Variants in RAB3GAP2 observed in about 807,000 individuals in gnomAD.
RAB3GAP2 encodes the protein RAB3 GTPase activating non-catalytic protein subunit 2.
A neutral mutation model predicts 185.3 loss-of-function variants in RAB3GAP2; 87 were observed. The observed-to-expected ratio is 0.47, with a 90% confidence interval of 0.39 to 0.56. The LOEUF (loss-of-function observed/expected upper bound fraction) is 0.56. Among genes scored for constraint, RAB3GAP2 ranks in the 20% least tolerant of loss-of-function variants. The pLI, the probability that RAB3GAP2 is intolerant of heterozygous loss-of-function variation, is 0.00. For synonymous variants in RAB3GAP2, 554 were observed against 576.1 expected (o/e 0.96, Z 0.55); for missense variants, 1,492 against 1,638.2 (o/e 0.91, Z 1.54).
In RAB3GAP2 at chr1:220,170,851, TA is replaced by T. The variant is rs112314838; in HGVS notation, c.2806+40del. ...TCTATTAAAAGAAACCCTCGTAACA[TA>T]AAAAAATGGATGCAAATGCTCAAAT... On this transcript the variant is annotated intron_variant, in intron 24 of 34. Transcript: ENST00000358951. 4.0e-6 allele frequency: 6 copies of T among 1,517,158 alleles called. No individual in the cohort carries two copies. In the African/African-American group the frequency reaches 4.1e-5, roughly 10 times the overall value. The allele number at this position is 1,517,158 out of a possible 1,614,324, so 94.0% of individuals were successfully genotyped here. A position where few individuals can be genotyped will look rare whatever the true frequency, so the allele number is the denominator to read the frequency against.
chr1:220,167,477 A>G (rs1359468351), intron 25 of RAB3GAP2, 25 bp downstream of exon 25: 8 of 1,613,716 alleles, frequency 5.0e-6, no homozygotes, highest in Non-Finnish European at 6.8e-6. Context: ...TTTGGATTTC[A>G]TATTTCTCAT....
chr1:220,190,445 C>G lies in RAB3GAP2; in HGVS notation c.1563G>C (p.Gln521His). ...TSQSWQPQTY[Q>H]ICLVDPVSGS... is the part of the protein sequence containing the mutation. Reference sequence around the variant, plus strand: ...CAGACACTGGATCAACCAGACAGATCTGATAAGTCTGTGGCTGCCAACTCT... The same window carrying G: ...CAGACACTGGATCAACCAGACAGATGTGATAAGTCTGTGGCTGCCAACTCT... Residue 521 changes from glutamine to histidine, a missense_variant, in exon 15 of 35, where the codon CAG becomes CAC. By Grantham distance (24) the Gln-to-His change is conservative. Transcript: ENST00000358951. The G allele has an allele frequency of 6.2e-7, 1 of 1,613,362 alleles. No homozygotes were observed.
At chr1:220,228,344 T>C (rs1659440348) in intron 2 of RAB3GAP2, among the ~76,000 whole-genome samples, 2 of 152,216 alleles carry the variant, frequency 1.3e-5, no homozygotes, top group Non-Finnish European at 2.9e-5. Flanking sequence ...GAGTTGTTCA[T>C]AATCATAGAT....
rs927917340 is a variant in RAB3GAP2 at position 220,149,274 on chromosome 1, C to CTT, written c.*1975_*1976dup. The CTT allele has an allele frequency of 1.8e-4, 27 of 152,082 alleles. No individual in the cohort carries two copies. Among genetic ancestry groups the CTT allele is most frequent in the Admixed American group, 1.6e-3 (25 of 15,276 alleles). 9.4% of individuals were successfully genotyped at this position (152,082 alleles called of 1,614,324 possible). A position where few individuals can be genotyped will look rare whatever the true frequency, so the allele number is the denominator to read the frequency against. ...TTAGGATAACAAATCTAACTAGAGA[C>CTT]TTAATGATTTGTGTTAGGATTCTGT... On this transcript the variant is annotated 3_prime_UTR_variant, in exon 35 of 35. Coordinates refer to ENST00000358951, the MANE Select transcript of RAB3GAP2 (RefSeq NM_012414.4).
In RAB3GAP2 at chr1:220,149,820, G is replaced by C. The variant is rs1657712312; in HGVS notation, c.*1431C>G. 1 of 152,140 alleles carries C rather than the reference G, an allele frequency of 6.6e-6. No individual in the cohort carries two copies. Among genetic ancestry groups the C allele is most frequent in the Non-Finnish European group, 1.5e-5 (1 of 68,014 alleles). The allele number at this position is 152,140 out of a possible 1,614,324, so 9.4% of individuals were successfully genotyped here. A position where few individuals can be genotyped will look rare whatever the true frequency, so the allele number is the denominator to read the frequency against. ...CTAAATTTTAGCCAGTTAAATTCTT[G>C]TTTGGATGTGCTCTTTTAGCTCAAA... On this transcript the variant is annotated 3_prime_UTR_variant, in exon 35 of 35. Coordinates refer to ENST00000358951, the MANE Select transcript of RAB3GAP2 (RefSeq NM_012414.4).
chr1:220,191,140 C>T lies in RAB3GAP2; in HGVS notation c.1415G>A (p.Arg472Lys), dbSNP rs1225518858. ...TGTGCTCCACACTTCTAAAATTCCC[C>T]TTCTTGGCGCATAGATCACAAGGAA... is the stretch of plus-strand genomic sequence containing the variant. ...AQFLVIYAPRRGILEVWSTQQ... is the reference protein window; with the variant it reads ...AQFLVIYAPRKGILEVWSTQQ... The change falls in exon 14 of 35, where the codon AGG (arginine) becomes AAG (lysine). Residue 472 changes from arginine (R) to lysine (K), a missense_variant. Physicochemically the swap from Arg to Lys is conservative, Grantham distance 26 (BLOSUM62 2). Transcript: ENST00000358951. 3.7e-6 allele frequency: 6 copies of T among 1,613,964 alleles called. No homozygotes were observed. The highest frequency in any genetic ancestry group is 2.5e-6 in the Non-Finnish European group (3 of 1,180,010).
intron 12 of RAB3GAP2, among the ~76,000 whole-genome samples, chr1:220,194,488 G>A (rs960874543): frequency 6.6e-6 from 1 of 152,120 alleles, no homozygotes; most frequent in African/African-American, 2.4e-5. Flanking sequence ...TGCCTCCCGG[G>A]TTTGAGCAAT....
rs747523270 is a variant in RAB3GAP2 at position 220,151,590 on chromosome 1, G to A, written c.4026+16C>T. Reference sequence around the variant, plus strand: ...ATCCAATGACCTTTTGCCTGATCTCGTTCTATTGTACTGACCATTGCTTTC... The same window carrying A: ...ATCCAATGACCTTTTGCCTGATCTCATTCTATTGTACTGACCATTGCTTTC... On this transcript the variant is annotated intron_variant, in intron 34 of 34. Transcript: ENST00000358951. The A allele has an allele frequency of 1.9e-5, 30 of 1,603,874 alleles. No individual in the cohort carries two copies. The highest frequency in any genetic ancestry group is 4.5e-5 in the East Asian group (2 of 44,828).
In RAB3GAP2 at chr1:220,191,287, T is replaced by C; in HGVS notation, c.1271-3A>G. On this transcript the variant is annotated splice_polypyrimidine_tract_variant and splice_region_variant and intron_variant, in intron 13 of 34. Coordinates refer to ENST00000358951, the MANE Select transcript of RAB3GAP2 (RefSeq NM_012414.4). Reference sequence around the variant, plus strand: ...TCCAATTTGTGCGTCGCGGTACCCTTAGAGACAGAGGTAAAGGGAAGTTAA... The same window carrying C: ...TCCAATTTGTGCGTCGCGGTACCCTCAGAGACAGAGGTAAAGGGAAGTTAA... The C allele has an allele frequency of 6.6e-7, 1 of 1,520,838 alleles. No individual in the cohort carries two copies. The allele number at this position is 1,520,838 out of a possible 1,614,324, so 94.2% of individuals were successfully genotyped here. A position where few individuals can be genotyped will look rare whatever the true frequency, so the allele number is the denominator to read the frequency against.
At chr1:220,247,147 C>T (rs575005172) in intron 1 of RAB3GAP2, among the ~76,000 whole-genome samples, 2 of 152,270 alleles carry the variant, frequency 1.3e-5, no homozygotes, top group East Asian at 3.9e-4. Flanking sequence ...GACACTCTTA[C>T]ACTGCTGGTG....
intron 24 of RAB3GAP2, among the ~76,000 whole-genome samples, chr1:220,170,389 A>G (rs891854768): frequency 5.9e-5 from 9 of 152,150 alleles, no homozygotes; most frequent in Admixed American, 5.9e-4. Context: ...CACGTTCTGC[A>G]TATGTATCCC....
intron 1 of RAB3GAP2, among the ~76,000 whole-genome samples, chr1:220,255,248 A>C (rs1323826148): frequency 6.6e-6 from 1 of 152,140 alleles, no homozygotes; most frequent in Non-Finnish European, 1.5e-5. Flanking sequence ...CAACATGAAC[A>C]AAAAAGACCC....
At chr1:220,169,174 T>A (rs1052903754) in intron 24 of RAB3GAP2, among the ~76,000 whole-genome samples, 1 of 152,180 alleles carries the variant, frequency 6.6e-6, no homozygotes, top group African/African-American at 2.4e-5. Context: ...GTTCACAAGT[T>A]TTATAAAGAA....
At chr1:220,196,970 C>T (rs1182346610) in intron 9 of RAB3GAP2, among the ~76,000 whole-genome samples, 2 of 151,728 alleles carry the variant, frequency 1.3e-5, no homozygotes, top group South Asian at 2.1e-4. Context: ...CTTATATCCC[C>T]AAATACCAAT....
At chr1:220,162,376 T>G (rs985864777) in intron 27 of RAB3GAP2, 108 bp from the exon 28 acceptor site, 1 of 719,530 alleles carries the variant, frequency 1.4e-6, no homozygotes, top group East Asian at 2.7e-5. Context: ...TATTTTGATT[T>G]CATTTTTTAT....
intron 1 of RAB3GAP2, among the ~76,000 whole-genome samples, chr1:220,234,970 C>A (rs1659565086): frequency 6.6e-6 from 1 of 152,144 alleles, no homozygotes; most frequent in African/African-American, 2.4e-5. Context: ...CCTTTATTGT[C>A]CCTATTTTAC....
intron 4 of RAB3GAP2, 31 bp from the exon 5 acceptor site, chr1:220,211,033 C>T: frequency 6.3e-7 from 1 of 1,596,630 alleles, no homozygotes; most frequent in East Asian, 2.2e-5. Flanking sequence ...ATATGCTTAC[C>T]CACTGAACTT....
chr1:220,232,455 C>T (rs1659518965), intron 2 of RAB3GAP2, among the ~76,000 whole-genome samples: 2 of 152,318 alleles, frequency 1.3e-5, no homozygotes, highest in Middle Eastern at 3.4e-3. Flanking sequence ...GTCCTATCAC[C>T]TTCACCGTAT....
chr1:220,235,085 T>C (rs1158122938), intron 1 of RAB3GAP2, among the ~76,000 whole-genome samples: 1 of 152,174 alleles, frequency 6.6e-6, no homozygotes, highest in African/African-American at 2.4e-5. Flanking sequence ...CCAAAACCCA[T>C]GCTCCTAAGT....
Sources: allele counts gnomAD v4.1 joint callset (sites outside exome capture counted in the v4.1 genomes callset), GRCh38; gene constraint gnomAD v4.1.1; transcripts MANE v1.5; gene names NCBI Gene and HGNC (gene_info 2026-07-23, HGNC 2026-07-21).